POU3F3: variants seen among roughly 807,000 people sequenced by gnomAD.
POU3F3 encodes the protein POU class 3 homeobox 3.
In POU3F3, 1 loss-of-function variant was observed where a neutral mutation model predicts 8.6. The ratio of observed to expected loss-of-function variants is 0.12; its 90% CI spans 0.04 to 0.55. The LOEUF (loss-of-function observed/expected upper bound fraction) is 0.55, where lower values mean the gene tolerates loss of function less well. POU3F3 is among the 20% of genes least tolerant of loss of function. POU3F3 has a pLI of 0.91. For synonymous variants in POU3F3, 418 were observed against 327.4 expected (o/e 1.28, Z -2.99); for missense variants, 577 against 690.7 (o/e 0.84, Z 1.84).
the POU3F3 span, among the ~76,000 whole-genome samples, chr2:104,904,830 A>G: frequency 6.6e-6 from 1 of 151,984 alleles, no homozygotes; most frequent in African/African-American, 2.4e-5. Flanking sequence ...GGTGCAAGAG[A>G]GGGGCGTGGA....
chr2:104,910,822 G>A, the POU3F3 span, among the ~76,000 whole-genome samples: 2 of 151,788 alleles, frequency 1.3e-5, no homozygotes, highest in Non-Finnish European at 2.9e-5. Context: ...AACTATGGAT[G>A]TAAAATGCTC....
chr2:104,884,920 C>T, the POU3F3 span, among the ~76,000 whole-genome samples: 1 of 152,096 alleles, frequency 6.6e-6, no homozygotes, highest in Admixed American at 6.6e-5. Context: ...GAAAACAGAG[C>T]CACTTAAAGG....
chr2:104,864,331 C>G, the POU3F3 span, among the ~76,000 whole-genome samples: 1 of 152,142 alleles, frequency 6.6e-6, no homozygotes, highest in Non-Finnish European at 1.5e-5. Flanking sequence ...CATAAGATTC[C>G]TAGGAGCCAT....
rs137877846 is a variant in POU3F3, at chr2:104,856,725, C to G, written c.1215C>G (p.Arg405=). 2 of 1,614,164 alleles carry G rather than the reference C, an allele frequency of 1.2e-6. No individual in the cohort carries two copies. The highest frequency in any genetic ancestry group is 1.3e-5 in the African/African-American group (1 of 75,074). ...TCGACAAGATCGCGGCGCAGGGCCG[C>G]AAGCGCAAGAAGCGGACCTCTATCG... ...TSIDKIAAQG[R]KRKKRTSIEV... Residue 405 remains arginine, a synonymous_variant, in exon 1 of 1, where the codon CGC becomes CGG. Transcript: ENST00000361360.
At chr2:104,908,524 A>G in the POU3F3 span, among the ~76,000 whole-genome samples, 2 of 152,208 alleles carry the variant, frequency 1.3e-5, no homozygotes, top group Non-Finnish European at 2.9e-5. Context: ...CCAAGGAGAA[A>G]GGAGCAACTG....
the POU3F3 span, among the ~76,000 whole-genome samples, chr2:104,877,985 C>T: frequency 6.6e-6 from 1 of 152,180 alleles, no homozygotes; most frequent in Admixed American, 6.5e-5. Context: ...GTACAATGAC[C>T]CTTCTTCCCA....
the POU3F3 span, among the ~76,000 whole-genome samples, chr2:104,899,164 C>T: frequency 8.5e-5 from 13 of 152,180 alleles, no homozygotes; most frequent in East Asian, 1.7e-3. Flanking sequence ...CTCCCTGACA[C>T]GGGAAAATTC....
At position 104,857,147 on chromosome 2, in the gene POU3F3, C is replaced by T. The variant is rs1211180158; in HGVS notation, c.*134C>T. 4.4e-6 allele frequency: 4 copies of T among 910,680 alleles called. No homozygotes were observed. The highest frequency in any genetic ancestry group is 5.2e-6 in the Non-Finnish European group (4 of 762,714). 56.4% of individuals were successfully genotyped at this position (910,680 alleles called of 1,614,324 possible). ...CCGCCGCGCCGACCCTGCACCTGGG[C>T]CGCTCCGGGCTCCAGCCCAGGCCCA... On this transcript the variant is annotated 3_prime_UTR_variant, in exon 1 of 1. Coordinates refer to ENST00000361360, the MANE Select transcript of POU3F3 (RefSeq NM_006236.3).
At chr2:104,911,615 T>C in the POU3F3 span, among the ~76,000 whole-genome samples, 1 of 151,986 alleles carries the variant, frequency 6.6e-6, no homozygotes, top group East Asian at 1.9e-4. Context: ...TTTGAGGACT[T>C]GAAAAGCCCT....
chr2:104,921,009 A>G, the POU3F3 span, among the ~76,000 whole-genome samples: 2 of 152,088 alleles, frequency 1.3e-5, no homozygotes, highest in Non-Finnish European at 2.9e-5. Context: ...ACTTACATCC[A>G]TCTTTTTTGC....
At chr2:104,888,168 TC>T in the POU3F3 span, among the ~76,000 whole-genome samples, 1 of 152,236 alleles carries the variant, frequency 6.6e-6, no homozygotes, top group African/African-American at 2.4e-5. Context: ...CCTCGCTCTT[TC>T]TGTAGGCAGC....
At chr2:104,903,698 G>A in the POU3F3 span, among the ~76,000 whole-genome samples, 1 of 152,206 alleles carries the variant, frequency 6.6e-6, no homozygotes, top group Non-Finnish European at 1.5e-5. Context: ...CCCAAAGGAA[G>A]TCAGGCAGTG....
At chr2:104,897,983 G>T in the POU3F3 span, among the ~76,000 whole-genome samples, 1 of 152,170 alleles carries the variant, frequency 6.6e-6, no homozygotes, top group African/African-American at 2.4e-5. Flanking sequence ...TAAGTTATAA[G>T]AGGGACTGAA....
At chr2:104,869,513 G>T in the POU3F3 span, among the ~76,000 whole-genome samples, 1 of 152,202 alleles carries the variant, frequency 6.6e-6, no homozygotes, top group Non-Finnish European at 1.5e-5. Flanking sequence ...GGGGTGCCAG[G>T]TTCTAGGAGA....
chr2:104,898,295 G>C, the POU3F3 span, among the ~76,000 whole-genome samples: 1 of 152,198 alleles, frequency 6.6e-6, no homozygotes, highest in Non-Finnish European at 1.5e-5. Flanking sequence ...AATTTCTGCT[G>C]TTCGTACGTC....
chr2:104,868,520 TG>T, the POU3F3 span: 2 of 371,224 alleles, frequency 5.4e-6, no homozygotes, highest in African/African-American at 4.2e-5. Flanking sequence ...AACTTCCAGC[TG>T]TGGTCACCCA....
the POU3F3 span, among the ~76,000 whole-genome samples, chr2:104,908,481 G>A: frequency 2.0e-5 from 3 of 152,174 alleles, no homozygotes; most frequent in African/African-American, 4.8e-5. Flanking sequence ...GAAGAAAGAC[G>A]AGTGAATTTT....
At chr2:104,890,795 G>A in the POU3F3 span, among the ~76,000 whole-genome samples, 41 of 152,312 alleles carry the variant, frequency 2.7e-4, no homozygotes, top group South Asian at 1.7e-3. Context: ...GTCCCACCGC[G>A]GGCCACATGG....
At chr2:104,870,686 GA>G in the POU3F3 span, among the ~76,000 whole-genome samples, 2 of 152,168 alleles carry the variant, frequency 1.3e-5, no homozygotes, top group South Asian at 4.1e-4. Context: ...GGTGACTAAA[GA>G]ATCCCTACTA....
Sources: allele counts gnomAD v4.1 joint callset (sites outside exome capture counted in the v4.1 genomes callset), GRCh38; gene constraint gnomAD v4.1.1; transcripts MANE v1.5; gene names NCBI Gene and HGNC (gene_info 2026-07-23, HGNC 2026-07-21).